DNAJC1: variants seen among roughly 807,000 people sequenced by gnomAD.
DNAJC1 encodes the protein DnaJ heat shock protein family (Hsp40) member C1.
Under a neutral mutation model 76.6 loss-of-function variants are expected in DNAJC1, and 58 were observed. The observed-to-expected ratio is 0.76, with a 90% confidence interval of 0.61 to 0.94. DNAJC1 has a LOEUF of 0.94. Ranked by LOEUF, DNAJC1 falls within the 40% of genes least tolerant of loss-of-function variation. The probability of loss-of-function intolerance (pLI) is 0.00; values close to 1 mark genes in which losing one functional copy is unlikely to be tolerated. For synonymous variants in DNAJC1, 258 were observed against 267.9 expected (o/e 0.96, Z 0.36); for missense variants, 689 against 677.3 (o/e 1.02, Z -0.19).
At chr10:21,887,799 G>A (rs947073516) in intron 7 of DNAJC1, among the ~76,000 whole-genome samples, 7 of 152,048 alleles carry the variant, frequency 4.6e-5, no homozygotes, top group African/African-American at 1.4e-4. Flanking sequence ...GGACAACACA[G>A]GCAATAGCAA....
At chr10:21,763,319 T>TA (rs772128511) in intron 10 of DNAJC1, among the ~76,000 whole-genome samples, 5 of 152,248 alleles carry the variant, frequency 3.3e-5, no homozygotes, top group Non-Finnish European at 1.5e-5. Flanking sequence ...CTTTATTTTG[T>TA]AAAAACATTT....
At chr10:21,852,644 A>T (rs1017357466) in intron 8 of DNAJC1, among the ~76,000 whole-genome samples, 1 of 152,170 alleles carries the variant, frequency 6.6e-6, no homozygotes, top group African/African-American at 2.4e-5. Flanking sequence ...AATTGGTTAC[A>T]ATTACTTGGG....
Position 21,950,131 on chromosome 10 carries a change from T to C in DNAJC1, c.223-20990A>G, listed in dbSNP as rs1049639549. On this transcript the variant is annotated intron_variant, in intron 1 of 11. Coordinates refer to ENST00000376980, the MANE Select transcript of DNAJC1 (RefSeq NM_022365.4). The stretch of plus-strand genomic sequence containing the variant: ...CCTCACTTTATTGTGCTTTACTACA[T>C]GTTGCGGCTATTGTATCTTTTTCCA... 1.1e-4 allele frequency among the ~76,000 whole-genome samples: 16 copies of C among 152,160 alleles called. No homozygotes were observed. In the East Asian group the frequency reaches 3.1e-3, roughly 29 times the overall value.
chr10:21,954,798 T>C (rs569605233), intron 1 of DNAJC1, among the ~76,000 whole-genome samples: 1 of 152,150 alleles, frequency 6.6e-6, no homozygotes. Flanking sequence ...CCCTGTAAGA[T>C]AGGTACTACT....
intron 11 of DNAJC1, among the ~76,000 whole-genome samples, chr10:21,758,447 T>C (rs1292547806): frequency 6.6e-6 from 1 of 152,142 alleles, no homozygotes; most frequent in Non-Finnish European, 1.5e-5. Flanking sequence ...GGGTGGGCTC[T>C]CCACAGGGCA....
intron 9 of DNAJC1, among the ~76,000 whole-genome samples, chr10:21,777,898 A>T (rs1834474130): frequency 6.6e-6 from 1 of 152,198 alleles, no homozygotes; most frequent in Non-Finnish European, 1.5e-5. Context: ...TGTAAAATTG[A>T]TATCACAGGC....
intron 9 of DNAJC1, among the ~76,000 whole-genome samples, chr10:21,787,322 C>T (rs988608777): frequency 4.7e-5 from 7 of 148,422 alleles, no homozygotes; most frequent in Middle Eastern, 3.4e-3. Context: ...AGTGAGATTC[C>T]GTCACAAAAA....
At chr10:21,890,836 A>G (rs1239586677) in intron 7 of DNAJC1, among the ~76,000 whole-genome samples, 1 of 152,190 alleles carries the variant, frequency 6.6e-6, no homozygotes, top group East Asian at 1.9e-4. Flanking sequence ...TACACCAAGA[A>G]CCAAGAATGC....
At chr10:21,891,781 T>C (rs1363912645) in intron 7 of DNAJC1, among the ~76,000 whole-genome samples, 2 of 152,100 alleles carry the variant, frequency 1.3e-5, no homozygotes, top group Admixed American at 6.6e-5. Context: ...AAATAATTCG[T>C]CACCAGTGGA....
intron 8 of DNAJC1, among the ~76,000 whole-genome samples, chr10:21,844,951 G>A (rs1480393664): frequency 1.3e-5 from 2 of 152,194 alleles, no homozygotes; most frequent in Admixed American, 6.5e-5. Context: ...GACTGCTTGT[G>A]CACAGGAGGT....
chr10:21,971,509 T>C (rs1837977650), intron 1 of DNAJC1, among the ~76,000 whole-genome samples: 1 of 151,868 alleles, frequency 6.6e-6, no homozygotes, highest in African/African-American at 2.4e-5. Flanking sequence ...AATCTTTTAG[T>C]AAGAAATACT....
chr10:21,927,581 C>T (rs1477798938), intron 3 of DNAJC1, among the ~76,000 whole-genome samples: 2 of 151,888 alleles, frequency 1.3e-5, no homozygotes, highest in Non-Finnish European at 2.9e-5. Context: ...TTTAGTGAAC[C>T]ACAACCAACA....
intron 6 of DNAJC1, among the ~76,000 whole-genome samples, chr10:21,910,218 C>T (rs980104311): frequency 3.3e-5 from 5 of 151,722 alleles, no homozygotes; most frequent in African/African-American, 9.7e-5. Context: ...TGGGTTCAAG[C>T]GATTCTCCTG....
chr10:21,760,155 C>G (rs558915493), intron 10 of DNAJC1, among the ~76,000 whole-genome samples: 1 of 152,272 alleles, frequency 6.6e-6, no homozygotes, highest in Admixed American at 6.5e-5. Flanking sequence ...TGGTGGTATA[C>G]ACCTGTATTC....
At chr10:21,940,053 C>T (rs922136158) in intron 1 of DNAJC1, among the ~76,000 whole-genome samples, 2 of 151,546 alleles carry the variant, frequency 1.3e-5, no homozygotes, top group South Asian at 4.2e-4. Flanking sequence ...AGGAAGTTGT[C>T]TCTGGTGAGT....
Position 22,000,073 on chromosome 10 carries a change from T to C in DNAJC1, c.222+3140A>G, listed in dbSNP as rs190496148. ...GTTTCTCCATCTCAACAAATGGCAA[T>C]TGCATCCTTCCAGTTACTGAAGCCA... On this transcript the variant is annotated intron_variant, in intron 1 of 11. Transcript: ENST00000376980. Among the ~76,000 whole-genome samples, 11 of 151,850 alleles carry C rather than the reference T, an allele frequency of 7.2e-5. No homozygotes were observed. The East Asian group carries it at 1.2e-3, about 16-fold the overall frequency.
intron 1 of DNAJC1, among the ~76,000 whole-genome samples, chr10:21,985,743 C>T (rs1007011824): frequency 1.3e-5 from 2 of 152,172 alleles, no homozygotes; most frequent in East Asian, 1.9e-4. Flanking sequence ...AATGGATACA[C>T]CACATTTTGT....
At chr10:21,842,390 GA>G (rs1332380699) in intron 8 of DNAJC1, among the ~76,000 whole-genome samples, 2 of 152,132 alleles carry the variant, frequency 1.3e-5, no homozygotes, top group Admixed American at 6.6e-5. Flanking sequence ...AGGAAGAGAT[GA>G]AAACACAGAG....
At chr10:21,917,783 T>C (rs773334673) in intron 6 of DNAJC1, among the ~76,000 whole-genome samples, 10 of 151,994 alleles carry the variant, frequency 6.6e-5, no homozygotes, top group South Asian at 2.1e-4. Context: ...ATGAACTATT[T>C]TGATGGAAGA....
Sources: gnomAD v4.1 joint callset for allele counts (sites outside exome capture counted in the v4.1 genomes callset) on GRCh38, gnomAD v4.1.1 for gene constraint, MANE v1.5 for transcripts, NCBI Gene and HGNC (gene_info 2026-07-23, HGNC 2026-07-21) for gene names.